LINGO2: variants seen among roughly 807,000 people sequenced by gnomAD.
The protein encoded by LINGO2 is leucine-rich repeat and immunoglobulin-like domain-containing nogo receptor-interacting protein 2.
A neutral mutation model predicts 30.6 loss-of-function variants in LINGO2; 14 were observed. That is an observed-to-expected ratio of 0.46 (90% CI 0.30 to 0.72). The LOEUF (loss-of-function observed/expected upper bound fraction) is 0.72. Ranked by LOEUF, LINGO2 falls within the 30% of genes least tolerant of loss-of-function variation. The pLI, the probability that LINGO2 is intolerant of heterozygous loss-of-function variation, is 0.07. For missense variants in LINGO2, 729 were observed against 751.7 expected, an observed-to-expected ratio of 0.97 and a Z score of 0.35; for synonymous variants, 317 against 288.5, an observed-to-expected ratio of 1.10 and a Z score of -1.00.
At chr9:28,625,304 C>T (rs1404892665) in intron 1 of LINGO2, among the ~76,000 whole-genome samples, 5 of 152,128 alleles carry the variant, frequency 3.3e-5, no homozygotes, top group African/African-American at 1.2e-4. Flanking sequence ...CTGTGTTCTC[C>T]CTCTCCCAAG....
the LINGO2 span, among the ~76,000 whole-genome samples, chr9:28,897,055 T>C: frequency 6.6e-6 from 1 of 152,022 alleles, no homozygotes; most frequent in Non-Finnish European, 1.5e-5. Context: ...AATGTTTCCA[T>C]GGAAAAAAGG....
At chr9:28,415,538 A>G (rs1822932305) in intron 2 of LINGO2, among the ~76,000 whole-genome samples, 1 of 152,080 alleles carries the variant, frequency 6.6e-6, no homozygotes. Flanking sequence ...CTTGGCTCCT[A>G]TCTTCCGATC....
chr9:28,172,029 A>AC (rs763276252), intron 4 of LINGO2, among the ~76,000 whole-genome samples: 12,925 of 99,924 alleles, frequency 0.13, 1,005 homozygotes, highest in African/African-American at 0.15. Flanking sequence ...AAAAAAAAAA[A>AC]AAAACAAAAA....
intron 4 of LINGO2, among the ~76,000 whole-genome samples, chr9:28,265,167 CACA>C (rs1160729367): frequency 1.4e-5 from 2 of 144,514 alleles, no homozygotes; most frequent in Admixed American, 1.4e-4. Context: ...TACACAACAA[CACA>C]ACACACACAC....
the LINGO2 span, among the ~76,000 whole-genome samples, chr9:28,900,588 G>A: frequency 6.6e-6 from 1 of 152,158 alleles, no homozygotes; most frequent in African/African-American, 2.4e-5. Context: ...TTGGTACTGG[G>A]CCAGCCTGCC....
At chr9:29,110,610 A>C in the LINGO2 span, among the ~76,000 whole-genome samples, 1 of 152,148 alleles carries the variant, frequency 6.6e-6, no homozygotes, top group African/African-American at 2.4e-5. Flanking sequence ...CTGGGATTAC[A>C]GGCATGAGCC....
chr9:28,932,088 C>A, the LINGO2 span, among the ~76,000 whole-genome samples: 2 of 84,936 alleles, frequency 2.4e-5, no homozygotes, highest in African/African-American at 9.3e-5. Flanking sequence ...GCCTGGGTGA[C>A]AGAGCAAGAC....
At chr9:29,181,428 T>G in the LINGO2 span, among the ~76,000 whole-genome samples, 3 of 152,084 alleles carry the variant, frequency 2.0e-5, no homozygotes, top group Admixed American at 2.0e-4. Context: ...TAGCAAACTT[T>G]AAATTTGAAA....
the LINGO2 span, among the ~76,000 whole-genome samples, chr9:29,003,906 C>T: frequency 3.4e-4 from 51 of 152,008 alleles, no homozygotes; most frequent in Middle Eastern, 3.4e-3. Flanking sequence ...GAAGAGTTAC[C>T]CCTGGAACAA....
chr9:29,018,613 A>G, the LINGO2 span, among the ~76,000 whole-genome samples: 14 of 152,272 alleles, frequency 9.2e-5, no homozygotes, highest in African/African-American at 2.6e-4. Context: ...GGACCAGAAG[A>G]TAGAGAGGCT....
At chr9:27,990,464 C>CCG (rs905202853) in intron 5 of LINGO2, among the ~76,000 whole-genome samples, 8 of 102,224 alleles carry the variant, frequency 7.8e-5, no homozygotes, top group Non-Finnish European at 1.4e-4. Context: ...GTCTCAATAC[C>CCG]CCCCCCCCTT....
intron 1 of LINGO2, among the ~76,000 whole-genome samples, chr9:28,614,646 T>G (rs1379134919): frequency 1.3e-5 from 2 of 152,112 alleles, no homozygotes; most frequent in African/African-American, 2.4e-5. Context: ...AATATATCGG[T>G]GAAATTTAGG....
chr9:28,734,064 T>TTC, the LINGO2 span, among the ~76,000 whole-genome samples: 357 of 152,116 alleles, frequency 2.3e-3, 1 homozygote, highest in African/African-American at 8.0e-3. Context: ...TATGATTTTT[T>TTC]TCTCTCTCTC....
At chr9:29,140,146 T>C in the LINGO2 span, among the ~76,000 whole-genome samples, 3 of 151,960 alleles carry the variant, frequency 2.0e-5, no homozygotes, top group Non-Finnish European at 2.9e-5. Context: ...TTCAAATGTA[T>C]AGAATTCAAC....
chr9:28,233,086 A>C (rs895883433), intron 4 of LINGO2, among the ~76,000 whole-genome samples: 7 of 131,146 alleles, frequency 5.3e-5, no homozygotes, highest in Admixed American at 1.5e-4. Flanking sequence ...ATATACAGTA[A>C]ACATTTTAAA....
the LINGO2 span, among the ~76,000 whole-genome samples, chr9:29,099,741 G>A: frequency 2.8e-4 from 43 of 152,242 alleles, no homozygotes; most frequent in African/African-American, 8.7e-4. Context: ...ACAAATGCTG[G>A]CAAGGAGGTG....
intron 2 of LINGO2, among the ~76,000 whole-genome samples, chr9:28,472,029 G>T (rs1417735199): frequency 6.6e-6 from 1 of 152,082 alleles, no homozygotes; most frequent in African/African-American, 2.4e-5. Context: ...TTCAAGAAAG[G>T]TGTTGCCTTG....
intron 3 of LINGO2, among the ~76,000 whole-genome samples, chr9:28,306,422 C>A (rs1207377857): frequency 2.0e-5 from 3 of 152,060 alleles, no homozygotes; most frequent in Non-Finnish European, 4.4e-5. Flanking sequence ...GGGACACAGT[C>A]AAAACAGTGT....
the LINGO2 span, among the ~76,000 whole-genome samples, chr9:28,683,402 C>T: frequency 6.6e-6 from 1 of 152,008 alleles, no homozygotes; most frequent in Non-Finnish European, 1.5e-5. Flanking sequence ...CACTGTGTTT[C>T]TTTCATGGGA....
Sources: gnomAD v4.1 joint callset for allele counts (sites outside exome capture counted in the v4.1 genomes callset) on GRCh38, gnomAD v4.1.1 for gene constraint, MANE v1.5 for transcripts, NCBI Gene and HGNC (gene_info 2026-07-23, HGNC 2026-07-21) for gene names.